Variants in PTPRT observed in about 807,000 individuals in gnomAD.
The protein encoded by PTPRT is protein tyrosine phosphatase receptor type T.
In PTPRT, 56 loss-of-function variants were observed where a neutral mutation model predicts 176.8. The observed-to-expected ratio is 0.32, with a 90% CI of 0.26 to 0.40. The LOEUF is 0.40. Among genes scored for constraint, PTPRT ranks in the 10% least tolerant of loss-of-function variants. The pLI, the probability that PTPRT is intolerant of heterozygous loss-of-function variation, is 1.00. For synonymous variants in PTPRT, 783 were observed against 739.0 expected, an observed-to-expected ratio of 1.06 and a Z score of -0.96; for missense variants, 1,540 against 1,908.2, an observed-to-expected ratio of 0.81 and a Z score of 3.60.
At chr20:43,158,348 T>G (rs1479267544) in intron 1 of PTPRT, among the ~76,000 whole-genome samples, 1 of 152,118 alleles carries the variant, frequency 6.6e-6, no homozygotes, top group Non-Finnish European at 1.5e-5. Context: ...AAGTTCCATG[T>G]GAGATGAATG....
At chr20:42,696,546 C>G (rs538829327) in intron 6 of PTPRT, among the ~76,000 whole-genome samples, 3 of 151,750 alleles carry the variant, frequency 2.0e-5, no homozygotes, top group Non-Finnish European at 2.9e-5. Context: ...AGCTCTTCCC[C>G]CCGGGTTCAC....
chr20:42,332,376 A>T (rs777150153), intron 11 of PTPRT, among the ~76,000 whole-genome samples: 5 of 151,614 alleles, frequency 3.3e-5, no homozygotes, highest in African/African-American at 9.7e-5. Context: ...CGCCTGGCTA[A>T]TTTTTTTGTA....
At chr20:42,429,101 G>A (rs2145795008) in intron 9 of PTPRT, among the ~76,000 whole-genome samples, 1 of 152,244 alleles carries the variant, frequency 6.6e-6, no homozygotes, top group Non-Finnish European at 1.5e-5. Context: ...TCTAGGTTTT[G>A]TTTAGTAGTC....
chr20:42,329,472 G>GGC (rs1411987758), intron 11 of PTPRT, among the ~76,000 whole-genome samples: 4 of 141,624 alleles, frequency 2.8e-5, no homozygotes, highest in South Asian at 2.3e-4. Flanking sequence ...AGAATATAGT[G>GGC]GCACACACAC....
chr20:42,194,098 G>A (rs923064331), intron 16 of PTPRT, among the ~76,000 whole-genome samples: 1 of 152,162 alleles, frequency 6.6e-6, no homozygotes, highest in African/African-American at 2.4e-5. Context: ...AGGAACTATT[G>A]CTGCAGTGGA....
intron 19 of PTPRT, among the ~76,000 whole-genome samples, chr20:42,128,158 C>T (rs1987949773): frequency 1.3e-5 from 2 of 152,312 alleles, no homozygotes; most frequent in Non-Finnish European, 2.9e-5. Context: ...TAACTAGAGG[C>T]CCCTCTCCCC....
chr20:43,160,506 A>ATTTTTTTTTTTTTTTTTTT (rs2014663483), intron 1 of PTPRT, among the ~76,000 whole-genome samples: 1 of 152,006 alleles, frequency 6.6e-6, no homozygotes, highest in African/African-American at 2.4e-5. Flanking sequence ...CATCTTGTTG[A>ATTTTTTTTTTTTTTTTTTT]TTTTTCTTGG....
At chr20:42,991,309 A>G (rs1318641428) in intron 1 of PTPRT, among the ~76,000 whole-genome samples, 1 of 152,206 alleles carries the variant, frequency 6.6e-6, no homozygotes, top group Non-Finnish European at 1.5e-5. Context: ...CTAGGATAGT[A>G]AGTATTTTTG....
chr20:42,641,754 T>A (rs78511991), intron 7 of PTPRT, among the ~76,000 whole-genome samples: 31 of 146,224 alleles, frequency 2.1e-4, no homozygotes, highest in Non-Finnish European at 4.0e-4. Flanking sequence ...AGACCAAGAG[T>A]GGTAAAGAGA....
chr20:42,729,048 G>C (rs148789802), intron 6 of PTPRT, among the ~76,000 whole-genome samples: 6 of 152,094 alleles, frequency 3.9e-5, no homozygotes, highest in African/African-American at 1.4e-4. Flanking sequence ...GAGGGGCTTC[G>C]AGGAGGTGAG....
intron 1 of PTPRT, among the ~76,000 whole-genome samples, chr20:43,002,170 T>C (rs2094838108): frequency 6.6e-6 from 1 of 152,334 alleles, no homozygotes; most frequent in Non-Finnish European, 1.5e-5. Flanking sequence ...TCTTCTGCCA[T>C]GATTGTAAGT....
intron 9 of PTPRT, among the ~76,000 whole-genome samples, chr20:42,446,161 CT>C (rs1358998672): frequency 1.3e-5 from 2 of 152,116 alleles, no homozygotes; most frequent in African/African-American, 4.8e-5. Flanking sequence ...CAACATAGCC[CT>C]ACAGTAGTAG....
intron 16 of PTPRT, among the ~76,000 whole-genome samples, chr20:42,189,862 T>C (rs1990928243): frequency 6.6e-6 from 1 of 152,232 alleles, no homozygotes. Flanking sequence ...TATGTATAAC[T>C]ATTATATCTT....
intron 7 of PTPRT, among the ~76,000 whole-genome samples, chr20:42,544,553 T>C (rs955670391): frequency 6.6e-5 from 10 of 152,178 alleles, no homozygotes; most frequent in Admixed American, 6.5e-4. Context: ...TCCTGTTGTC[T>C]GGAGCATATC....
At chr20:42,602,257 C>T (rs1033714915) in intron 7 of PTPRT, among the ~76,000 whole-genome samples, 2 of 152,140 alleles carry the variant, frequency 1.3e-5, no homozygotes, top group African/African-American at 2.4e-5. Flanking sequence ...CACTTTCCTG[C>T]AAAGTCACAG....
At chr20:42,573,117 ATGT>A (rs1205777076) in intron 7 of PTPRT, among the ~76,000 whole-genome samples, 1 of 152,200 alleles carries the variant, frequency 6.6e-6, no homozygotes, top group Admixed American at 6.5e-5. Context: ...CAACTAATTA[ATGT>A]TGTAGGAATT....
At chr20:42,944,147 T>C in intron 1 of PTPRT, among the ~76,000 whole-genome samples, 1 of 152,192 alleles carries the variant, frequency 6.6e-6, no homozygotes, top group East Asian at 1.9e-4. Flanking sequence ...CTGGGTCCAC[T>C]ATCTTGCCAC....
At chr20:42,440,538 C>T (rs181762562) in intron 9 of PTPRT, among the ~76,000 whole-genome samples, 2 of 150,844 alleles carry the variant, frequency 1.3e-5, no homozygotes, top group East Asian at 3.9e-4. Context: ...AGTGAAGTGG[C>T]ACAATCTTGG....
At chr20:42,142,830 C>A (rs1447175627) in intron 17 of PTPRT, among the ~76,000 whole-genome samples, 2 of 152,062 alleles carry the variant, frequency 1.3e-5, no homozygotes, top group Non-Finnish European at 2.9e-5. Context: ...GTAACTGAAA[C>A]CATGAAAAAC....
Sources: allele counts gnomAD v4.1 joint callset (sites outside exome capture counted in the v4.1 genomes callset), GRCh38; gene constraint gnomAD v4.1.1; transcripts MANE v1.5; gene names NCBI Gene and HGNC (gene_info 2026-07-23, HGNC 2026-07-21).